The following MPRIP variants were observed in gnomAD, a reference collection of about 807,000 sequenced individuals.
MPRIP encodes myosin phosphatase Rho-interacting protein.
In MPRIP, 59 loss-of-function variants were observed where a neutral mutation model predicts 234.9. The ratio of observed to expected loss-of-function variants is 0.25; its 90% CI spans 0.20 to 0.31. The LOEUF (loss-of-function observed/expected upper bound fraction) is 0.31, where lower values mean the gene tolerates loss of function less well. Ranked by LOEUF, MPRIP falls within the 10% of genes least tolerant of loss-of-function variation. MPRIP has a pLI of 1.00. For missense variants in MPRIP, 2,436 were observed against 3,071.0 expected (o/e 0.79, Z 4.89); for synonymous variants, 1,144 against 1,263.9 (o/e 0.91, Z 2.01).
chr17:17,165,953 G>A lies in MPRIP; in HGVS notation c.4362G>A (p.Arg1454=), dbSNP rs758223724. 7.7e-7 allele frequency: 1 copy of A among 1,304,202 alleles called. No individual in the cohort carries two copies. 80.8% of individuals were successfully genotyped at this position (1,304,202 alleles called of 1,614,324 possible). A position where few individuals can be genotyped will look rare whatever the true frequency, so the allele number is the denominator to read the frequency against. ...ASQLEQERQE[R]ARRVEGHVGE... ...AGCTGGAGCAGGAGAGGCAGGAGAG[G>A]GCCAGGAGGGTTGAAGGGCATGTTG... Residue 1454 remains arginine, a synonymous_variant, in exon 16 of 24, where the codon AGG becomes AGA. Transcript: ENST00000651222.
Position 17,167,816 on chromosome 17 carries a change from C to G in MPRIP, c.6225C>G (p.Ala2075=), listed in dbSNP as rs887338161. The G allele has an allele frequency of 7.7e-7, 1 of 1,304,238 alleles. No homozygotes were observed. The highest frequency in any genetic ancestry group is 1.0e-6 in the Non-Finnish European group (1 of 988,976). The allele number at this position is 1,304,238 out of a possible 1,614,324, so 80.8% of individuals were successfully genotyped here. A position where few individuals can be genotyped will look rare whatever the true frequency, so the allele number is the denominator to read the frequency against. ...GLRERIQELE[A]QMDVMREELG... ...GGGAGCGCATCCAGGAGCTGGAGGC[C>G]CAGATGGATGTCATGCGGGAGGAGC... is the stretch of plus-strand genomic sequence containing the variant. The change falls in exon 16 of 24, where the codon GCC becomes GCG. Residue 2075 remains alanine (A), a synonymous_variant. Transcript: ENST00000651222. This position sits in a 1 kb window ranked among gnomAD's most constrained non-coding sequence, Gnocchi z 5.9.
At chr17:17,180,274 G>A in intron 23 of MPRIP, 186 bp downstream of exon 23, 1 of 611,922 alleles carries the variant, frequency 1.6e-6, no homozygotes, top group Non-Finnish European at 2.9e-6. Flanking sequence ...CTGTCTTGGA[G>A]CCACCTCCTG....
rs2144611325 is a variant in MPRIP, at chr17:17,161,273, C to T, written c.2434C>T (p.Leu812=). The change falls in exon 15 of 24, where the codon CTG becomes TTG. Residue 812 remains leucine, a synonymous_variant. Transcript: ENST00000651222. Reference sequence around the variant, plus strand: ...GAGCCAGAAGGAGGCCTCAGACCTTCTGGAGCAGAACCGGCTCCTGCAGGA... The same window carrying T: ...GAGCCAGAAGGAGGCCTCAGACCTTTTGGAGCAGAACCGGCTCCTGCAGGA... ...EQSQKEASDL[L]EQNRLLQDQL... is the part of the protein sequence containing the mutation. 1 of 1,603,274 alleles carries T rather than the reference C, an allele frequency of 6.2e-7. No homozygotes were observed. Among genetic ancestry groups the T allele is most frequent in the Non-Finnish European group, 8.5e-7 (1 of 1,173,018 alleles).
intron 11 of MPRIP, 58 bp downstream of exon 11, chr17:17,147,445 C>A: frequency 6.6e-7 from 1 of 1,515,950 alleles, no homozygotes; most frequent in East Asian, 2.3e-5. Flanking sequence ...CAGGCGGCAT[C>A]TGGGGCTAGT....
chr17:17,186,273 G>C lies in MPRIP; in HGVS notation c.*1379G>C, dbSNP rs2046472979. The stretch of plus-strand genomic sequence containing the variant: ...TGGGTGGGTGGATGCTTTGGGCGTT[G>C]AAATCTAGAAATCCTGTTGCTCAGT... On this transcript the variant is annotated 3_prime_UTR_variant, in exon 24 of 24. Coordinates refer to ENST00000651222, the MANE Select transcript of MPRIP (RefSeq NM_001364716.4). The C allele has an allele frequency of 6.6e-6, 1 of 152,182 alleles. No individual in the cohort carries two copies. Among genetic ancestry groups the C allele is most frequent in the Non-Finnish European group, 1.5e-5 (1 of 68,044 alleles). The allele number at this position is 152,182 out of a possible 1,614,324, so 9.4% of individuals were successfully genotyped here.
At chr17:17,079,258 A>G (rs2089406882) in intron 3 of MPRIP, among the ~76,000 whole-genome samples, 1 of 152,202 alleles carries the variant, frequency 6.6e-6, no homozygotes. Context: ...GTTCCTACTT[A>G]AAAAGAATTG....
At chr17:17,111,452 G>A (rs2090169800) in intron 3 of MPRIP, among the ~76,000 whole-genome samples, 1 of 152,138 alleles carries the variant, frequency 6.6e-6, no homozygotes, top group South Asian at 2.1e-4. Flanking sequence ...GCTCAGCAGG[G>A]AGCCTCACCA....
At chr17:17,160,221 C>T (rs1471722361) in intron 14 of MPRIP, among the ~76,000 whole-genome samples, 2 of 152,210 alleles carry the variant, frequency 1.3e-5, no homozygotes, top group Admixed American at 1.3e-4. Context: ...CAAAAATTAG[C>T]TGGGCATGGT....
At chr17:17,109,662 C>T (rs545862967) in intron 3 of MPRIP, among the ~76,000 whole-genome samples, 13 of 152,280 alleles carry the variant, frequency 8.5e-5, no homozygotes, top group Non-Finnish European at 1.8e-4. Flanking sequence ...GTGAGACCCG[C>T]GAAACAATGA....
intron 1 of MPRIP, among the ~76,000 whole-genome samples, chr17:17,052,027 G>C (rs2088558421): frequency 6.6e-6 from 1 of 152,258 alleles, no homozygotes; most frequent in African/African-American, 2.4e-5. Context: ...ATTTCACACA[G>C]ACCTCAGCAG....
chr17:17,144,998 T>A (rs1383045822), intron 9 of MPRIP, among the ~76,000 whole-genome samples: 1 of 152,222 alleles, frequency 6.6e-6, no homozygotes, highest in Non-Finnish European at 1.5e-5. Context: ...GGGTAGGGTG[T>A]CCTAATTTCA....
chr17:17,073,725 T>A (rs998048294), intron 1 of MPRIP, among the ~76,000 whole-genome samples: 1 of 151,966 alleles, frequency 6.6e-6, no homozygotes, highest in Admixed American at 6.5e-5. Context: ...CTGGGTGGGG[T>A]GTGGAGAGGC....
intron 1 of MPRIP, among the ~76,000 whole-genome samples, chr17:17,043,702 A>C (rs1249452304): frequency 1.3e-5 from 2 of 152,092 alleles, no homozygotes; most frequent in African/African-American, 4.8e-5. Flanking sequence ...GACTGGGGAG[A>C]TGGGGAATTT....
Position 17,138,299 on chromosome 17 carries a change from G to A in MPRIP, c.1120G>A (p.Asp374Asn), listed in dbSNP as rs547347960. ...CAGCAGGCAATATGCCACCCTGGCCGACGTCCCTAAGGCCATCAGGATCAG... is the reference window on the plus strand; with the variant it reads ...CAGCAGGCAATATGCCACCCTGGCCAACGTCCCTAAGGCCATCAGGATCAG... ...KASRQYATLA[D>N]VPKAIRISHR... Residue 374 changes from aspartate (D) to asparagine (N), a missense_variant, in exon 7 of 24, where the codon GAC becomes AAC. Coordinates refer to ENST00000651222, the MANE Select transcript of MPRIP (RefSeq NM_001364716.4). This position sits in a 1 kb window ranked among gnomAD's most constrained non-coding sequence, Gnocchi z 5.8. 13 of 450,460 alleles carry A rather than the reference G, an allele frequency of 2.9e-5. No homozygotes were observed. The highest frequency in any genetic ancestry group is 1.2e-4 in the Admixed American group (3 of 24,510). The allele number at this position is 450,460 out of a possible 1,614,324, so 27.9% of individuals were successfully genotyped here. A position where few individuals can be genotyped will look rare whatever the true frequency, so the allele number is the denominator to read the frequency against.
At chr17:17,045,459 T>C (rs2088316821) in intron 1 of MPRIP, among the ~76,000 whole-genome samples, 1 of 152,150 alleles carries the variant, frequency 6.6e-6, no homozygotes, top group Non-Finnish European at 1.5e-5. Flanking sequence ...GGTGAGAAGA[T>C]TGAAACCCAG....
At chr17:17,112,259 G>GA (rs2090187506) in intron 3 of MPRIP, among the ~76,000 whole-genome samples, 1 of 152,056 alleles carries the variant, frequency 6.6e-6, no homozygotes, top group African/African-American at 2.4e-5. Flanking sequence ...TCTCTGTCGG[G>GA]ATCTCCCAGG....
chr17:17,075,679 C>T (rs367741902), intron 1 of MPRIP, 31 bp from the exon 2 acceptor site: 13 of 1,597,100 alleles, frequency 8.1e-6, no homozygotes, highest in Non-Finnish European at 1.0e-5. Flanking sequence ...TTGAAGGCTG[C>T]TGGTGACCTG....
intron 1 of MPRIP, among the ~76,000 whole-genome samples, chr17:17,054,469 G>A (rs1254988690): frequency 6.6e-6 from 1 of 152,114 alleles, no homozygotes; most frequent in Non-Finnish European, 1.5e-5. Flanking sequence ...CCTCTCCCAG[G>A]GCACAAAGCC....
rs1193143997 is a variant in MPRIP at position 17,154,881 on chromosome 17, C to G, written c.1829+466C>G. ...TTTCTGTGCAGCCAATTTGAAAAAC[C>G]CTCTCCTGTTTTTGCATTCTGTGGT... On this transcript the variant is annotated intron_variant, in intron 13 of 23. Coordinates refer to ENST00000651222, the MANE Select transcript of MPRIP (RefSeq NM_001364716.4). Among the ~76,000 whole-genome samples the G allele has an allele frequency of 3.3e-5, 5 of 152,212 alleles. No individual in the cohort carries two copies. In the East Asian group the frequency reaches 9.6e-4, roughly 29 times the overall value.
Sources: gnomAD v4.1 joint callset for allele counts (sites outside exome capture counted in the v4.1 genomes callset) on GRCh38, gnomAD v4.1.1 for gene constraint, Gnocchi (gnomAD v3.1) non-coding constraint, MANE v1.5 for transcripts, NCBI Gene and HGNC (gene_info 2026-07-23, HGNC 2026-07-21) for gene names.